Variants in CACNA1C observed in about 807,000 individuals in gnomAD.
CACNA1C encodes voltage-dependent L-type calcium channel subunit alpha-1C.
A neutral mutation model predicts 229.0 loss-of-function variants in CACNA1C; 30 were observed. The ratio of observed to expected loss-of-function variants is 0.13; its 90% CI spans 0.10 to 0.18. The LOEUF (loss-of-function observed/expected upper bound fraction) is 0.18, where lower values mean the gene tolerates loss of function less well. Ranked by LOEUF, CACNA1C falls within the 10% of genes least tolerant of loss-of-function variation. The probability of loss-of-function intolerance (pLI) is 1.00; values close to 1 mark genes in which losing one functional copy is unlikely to be tolerated. For synonymous variants in CACNA1C, 1,114 were observed against 1,132.5 expected (o/e 0.98, Z 0.33); for missense variants, 1,658 against 2,845.0 (o/e 0.58, Z 9.49).
At chr12:2,209,842 T>C (rs1447196755) in intron 3 of CACNA1C, among the ~76,000 whole-genome samples, 1 of 152,216 alleles carries the variant, frequency 6.6e-6, no homozygotes, top group Admixed American at 6.5e-5. Flanking sequence ...AATCAAATTC[T>C]CAACTAAAAT....
chr12:2,546,826 T>C (rs1006078462), intron 9 of CACNA1C, among the ~76,000 whole-genome samples: 2 of 152,238 alleles, frequency 1.3e-5, no homozygotes, highest in African/African-American at 4.8e-5. Flanking sequence ...GCCCTAGGCC[T>C]TTGATGGGTC....
intron 3 of CACNA1C, among the ~76,000 whole-genome samples, chr12:2,262,674 C>A (rs183317428): frequency 8.5e-5 from 13 of 152,268 alleles, no homozygotes; most frequent in African/African-American, 3.1e-4. Flanking sequence ...GGATGCCTTG[C>A]AGGACTGGGG....
chr12:2,670,912 AAAAAG>A (rs1034509369), intron 38 of CACNA1C, among the ~76,000 whole-genome samples: 8 of 152,122 alleles, frequency 5.3e-5, no homozygotes, highest in African/African-American at 1.9e-4. Context: ...TAAAAAAAAA[AAAAAG>A]AGCAAAGGCT....
intron 3 of CACNA1C, among the ~76,000 whole-genome samples, chr12:2,272,127 GT>G (rs2085325936): frequency 2.6e-5 from 4 of 152,120 alleles, no homozygotes; most frequent in Admixed American, 2.6e-4. Flanking sequence ...CCCTCAGTGA[GT>G]TGCTTGTCTG....
chr12:2,491,962 TTC>T (rs57394200), intron 6 of CACNA1C, among the ~76,000 whole-genome samples: 48,527 of 146,876 alleles, frequency 0.33, 8,085 homozygotes, highest in East Asian at 0.42. Flanking sequence ...TATAAGCAAA[TTC>T]TCTCTCTCTC....
chr12:2,084,336 T>C (rs2066768730), intron 1 of CACNA1C, among the ~76,000 whole-genome samples: 1 of 152,220 alleles, frequency 6.6e-6, no homozygotes, highest in Non-Finnish European at 1.5e-5. Flanking sequence ...CTTTTGAGTG[T>C]TCTTTTTTAT....
intron 15 of CACNA1C, among the ~76,000 whole-genome samples, chr12:2,583,804 C>A (rs544384533): frequency 6.6e-6 from 1 of 152,234 alleles, no homozygotes; most frequent in Non-Finnish European, 1.5e-5. Flanking sequence ...CTGGACAAAG[C>A]CCCTCTTCCC....
chr12:2,139,858 G>A (rs79050574), intron 3 of CACNA1C, among the ~76,000 whole-genome samples: 5,957 of 151,268 alleles, frequency 0.039, 355 homozygotes, highest in African/African-American at 0.11. Context: ...AGGACACAGC[G>A]GGCCTCATGC....
At chr12:2,050,539 T>G (rs1490112491), upstream of CACNA1C, among the ~76,000 whole-genome samples, 1 of 152,206 alleles carries the variant, frequency 6.6e-6, no homozygotes, top group Non-Finnish European at 1.5e-5. Flanking sequence ...TTAAACAAAT[T>G]ATCAGCTACA....
intron 3 of CACNA1C, among the ~76,000 whole-genome samples, chr12:2,273,650 A>G (rs2086213447): frequency 6.6e-6 from 1 of 152,222 alleles, no homozygotes; most frequent in Non-Finnish European, 1.5e-5. Flanking sequence ...TTCTTGGGGT[A>G]ACTTGGCAAA....
intron 1 of CACNA1C, among the ~76,000 whole-genome samples, chr12:2,022,425 T>G (rs1055365865): frequency 1.3e-5 from 2 of 152,098 alleles, no homozygotes; most frequent in Non-Finnish European, 2.9e-5. Context: ...TGTTTTGGTT[T>G]GGTAATGTTT....
At chr12:2,228,052 A>G (rs927649307) in intron 3 of CACNA1C, among the ~76,000 whole-genome samples, 4 of 152,170 alleles carry the variant, frequency 2.6e-5, no homozygotes, top group African/African-American at 9.7e-5. Flanking sequence ...ATAAAGGGGC[A>G]GCAGGAAGAA....
intron 3 of CACNA1C, among the ~76,000 whole-genome samples, chr12:2,203,795 A>G (rs1297244883): frequency 4.6e-5 from 7 of 152,032 alleles, no homozygotes; most frequent in African/African-American, 1.5e-4. Flanking sequence ...TGCATTTGGG[A>G]TATGTTTTCA....
rs116529391 is a variant in CACNA1C at position 2,004,762 on chromosome 12, C to G, written c.139+33561C>G. The G allele has an allele frequency of 5.2e-3, 1,618 of 314,130 alleles. 19 individuals carry two copies. The highest frequency in any genetic ancestry group is 0.032 in the African/African-American group (1,478 of 46,064). The allele number at this position is 314,130 out of a possible 1,614,324, so 19.5% of individuals were successfully genotyped here. On this transcript the variant is annotated intron_variant, in intron 1 of 46. Transcript: ENST00000682462. Reference sequence around the variant, plus strand: ...GTAGGATTTCCTTCTTGGATGTGTTCGACCCCTTGGCATATCTTTTCTTTG... The same window carrying G: ...GTAGGATTTCCTTCTTGGATGTGTTGGACCCCTTGGCATATCTTTTCTTTG...
At chr12:2,303,592 C>A (rs2094755583) in intron 3 of CACNA1C, among the ~76,000 whole-genome samples, 1 of 152,042 alleles carries the variant, frequency 6.6e-6, no homozygotes, top group Non-Finnish European at 1.5e-5. Flanking sequence ...CAGGGAGACC[C>A]TGTCTGTACA....
chr12:2,139,528 C>A (rs898037629), intron 3 of CACNA1C, among the ~76,000 whole-genome samples: 1 of 151,206 alleles, frequency 6.6e-6, no homozygotes, highest in African/African-American at 2.4e-5. Flanking sequence ...GAGGGCCAGG[C>A]CAGGCTGTTA....
At chr12:2,056,165 C>T (rs965053667) in intron 1 of CACNA1C, among the ~76,000 whole-genome samples, 13 of 151,174 alleles carry the variant, frequency 8.6e-5, no homozygotes, top group East Asian at 3.9e-4. Context: ...TCACCTTTTC[C>T]GTGGAGTGTG....
At chr12:2,516,470 A>T (rs1197172172) in intron 9 of CACNA1C, among the ~76,000 whole-genome samples, 1 of 152,134 alleles carries the variant, frequency 6.6e-6, no homozygotes, top group African/African-American at 2.4e-5. Context: ...CCATGTGCAG[A>T]ATGGAATGAA....
intron 3 of CACNA1C, among the ~76,000 whole-genome samples, chr12:2,284,768 G>A (rs1376539308): frequency 1.3e-5 from 2 of 152,240 alleles, no homozygotes; most frequent in African/African-American, 2.4e-5. Flanking sequence ...CTGCAGGCAG[G>A]CGGCTCTCAT....
Sources: gnomAD v4.1 joint callset for allele counts (sites outside exome capture counted in the v4.1 genomes callset) on GRCh38, gnomAD v4.1.1 for gene constraint, MANE v1.5 for transcripts, NCBI Gene and HGNC (gene_info 2026-07-23, HGNC 2026-07-21) for gene names.